UQCC2: variants seen among roughly 807,000 people sequenced by gnomAD.
The protein encoded by UQCC2 is ubiquinol-cytochrome c reductase complex assembly factor 2, also known as breast cancer-associated protein SGA-81M.
UQCC2 carries 21 observed loss-of-function variants against 19.9 expected under a neutral mutation model. The ratio of observed to expected loss-of-function variants is 1.05; its 90% CI spans 0.75 to 1.52. The LOEUF is 1.52. Among genes scored for constraint, UQCC2 ranks in the 40% most tolerant of loss-of-function variants. The pLI is 0.00. For missense variants in UQCC2, 135 were observed against 157.5 expected, an observed-to-expected ratio of 0.86 and a Z score of 0.76; for synonymous variants, 57 against 60.9, an observed-to-expected ratio of 0.94 and a Z score of 0.30.
At chr6:33,704,065 G>C (rs1765670865) in intron 1 of UQCC2, among the ~76,000 whole-genome samples, 1 of 152,206 alleles carries the variant, frequency 6.6e-6, no homozygotes, top group South Asian at 2.1e-4. Flanking sequence ...CCCCGGTGGT[G>C]TGAGGATAAA....
intron 1 of UQCC2, among the ~76,000 whole-genome samples, chr6:33,707,759 T>C (rs1765716867): frequency 6.6e-6 from 1 of 152,230 alleles, no homozygotes; most frequent in African/African-American, 2.4e-5. Context: ...AACAATTACA[T>C]TTGTTGTGCC....
intron 3 of UQCC2, chr6:33,697,973 T>C: frequency 1.8e-6 from 1 of 556,556 alleles, no homozygotes; most frequent in Non-Finnish European, 3.2e-6. Flanking sequence ...CCCAGCACGC[T>C]GTCAGTGGTC....
intron 1 of UQCC2, among the ~76,000 whole-genome samples, chr6:33,701,761 C>T (rs1223801566): frequency 6.6e-6 from 1 of 151,868 alleles, no homozygotes; most frequent in African/African-American, 2.4e-5. Context: ...GAAAGGCGTG[C>T]CTAACAAAGG....
intron 1 of UQCC2, among the ~76,000 whole-genome samples, chr6:33,702,043 A>G (rs1000432649): frequency 1.3e-5 from 2 of 152,014 alleles, no homozygotes; most frequent in Admixed American, 6.6e-5. Context: ...CTCTCACTCT[A>G]TTGCCCAGGC....
chr6:33,703,529 G>A (rs1281890229), intron 1 of UQCC2, among the ~76,000 whole-genome samples: 5 of 152,012 alleles, frequency 3.3e-5, no homozygotes, highest in Non-Finnish European at 7.4e-5. Context: ...CTCCAAGGCT[G>A]TAGGGAGCAG....
chr6:33,707,438 T>C (rs1265294117), intron 1 of UQCC2, among the ~76,000 whole-genome samples: 4 of 152,150 alleles, frequency 2.6e-5, no homozygotes, highest in African/African-American at 9.7e-5. Flanking sequence ...AGGCCTCAAA[T>C]GGATGACTGA....
chr6:33,709,778 AC>A (rs769771199), intron 1 of UQCC2, among the ~76,000 whole-genome samples: 18 of 151,698 alleles, frequency 1.2e-4, no homozygotes, highest in Admixed American at 2.0e-4. Context: ...AAAAAAAAAA[AC>A]CCATGTTCCT....
Position 33,697,011 on chromosome 6 carries a change from G to T in UQCC2, c.*642C>A, listed in dbSNP as rs1765568922. On this transcript the variant is annotated 3_prime_UTR_variant, in exon 4 of 4. Transcript: ENST00000607484. ...GGCCTCTGACTTGTGGCCACCTACA[G>T]AACCTGCCCACAGTGCTGAAGCCAA... 1 of 152,360 alleles carries T rather than the reference G, an allele frequency of 6.6e-6. No homozygotes were observed. The highest frequency in any genetic ancestry group is 2.1e-4 in the South Asian group (1 of 4,838). 9.4% of individuals were successfully genotyped at this position (152,360 alleles called of 1,614,324 possible).
In UQCC2 at chr6:33,711,452, C is replaced by T. The variant is rs545781795; in HGVS notation, c.138+97G>A. 4.1e-6 allele frequency: 6 copies of T among 1,458,900 alleles called. No homozygotes were observed. In the East Asian group the frequency reaches 1.0e-4, roughly 24 times the overall value. The allele number at this position is 1,458,900 out of a possible 1,614,324, so 90.4% of individuals were successfully genotyped here. A position where few individuals can be genotyped will look rare whatever the true frequency, so the allele number is the denominator to read the frequency against. On this transcript the variant is annotated intron_variant, in intron 1 of 3. Coordinates refer to ENST00000607484, the MANE Select transcript of UQCC2 (RefSeq NM_032340.4). Reference sequence around the variant, plus strand: ...GCTCACGTGCTGCCTGGAAAGAGGGCGCGCGCATGCGCAGATCCCCCTGCT... The same window carrying T: ...GCTCACGTGCTGCCTGGAAAGAGGGTGCGCGCATGCGCAGATCCCCCTGCT...
At chr6:33,697,782 A>C in intron 3 of UQCC2, 32 bp from the exon 4 acceptor site, 1 of 1,578,476 alleles carries the variant, frequency 6.3e-7, no homozygotes, top group Non-Finnish European at 8.7e-7. Context: ...AGAGAGAGGG[A>C]CTGAAGTCTA....
rs776243904 is a variant in UQCC2 at position 33,701,307 on chromosome 6, T to C, written c.213+39A>G. On this transcript the variant is annotated intron_variant, in intron 2 of 3. Transcript: ENST00000607484. ...TCACTCATTCTTATTAGTTGTCCCGTCAGAAAGCTGGGTATATAAAAGACT... is the reference window on the plus strand; with the variant it reads ...TCACTCATTCTTATTAGTTGTCCCGCCAGAAAGCTGGGTATATAAAAGACT... The C allele has an allele frequency of 4.4e-6, 7 of 1,578,898 alleles. No individual in the cohort carries two copies. The East Asian group carries it at 1.6e-4, about 36-fold the overall frequency.
chr6:33,702,214 G>A (rs1410343901), intron 1 of UQCC2, among the ~76,000 whole-genome samples: 5 of 151,982 alleles, frequency 3.3e-5, no homozygotes. Context: ...CACCATGCTG[G>A]CCAGGCTGGT....
chr6:33,711,510 C>A, intron 1 of UQCC2, 39 bp downstream of exon 1: 1 of 1,568,110 alleles, frequency 6.4e-7, no homozygotes, highest in East Asian at 2.3e-5. Context: ...CTGCCTCGTC[C>A]TTTCCTCCCC....
chr6:33,708,039 G>A (rs1466690871), intron 1 of UQCC2, among the ~76,000 whole-genome samples: 1 of 152,226 alleles, frequency 6.6e-6, no homozygotes, highest in East Asian at 1.9e-4. Flanking sequence ...CTCTGGTTTT[G>A]TGTATGAATT....
rs368343603 is a variant in UQCC2 at position 33,706,942 on chromosome 6, T to C, written c.138+4607A>G. ...CATGTTAGGGTGGTGCGAGGCAAGG[T>C]TGGAAACACAGGCTGGGACCAAGGA... On this transcript the variant is annotated intron_variant, in intron 1 of 3. Transcript: ENST00000607484. Among the ~76,000 whole-genome samples the C allele has an allele frequency of 1.8e-4, 27 of 152,214 alleles. No homozygotes were observed. In the East Asian group the frequency reaches 1.9e-3, roughly 11 times the overall value.
intron 1 of UQCC2, among the ~76,000 whole-genome samples, chr6:33,704,492 C>T (rs1211791614): frequency 3.3e-5 from 5 of 152,338 alleles, no homozygotes; most frequent in East Asian, 1.9e-4. Context: ...GCTGAGGCTT[C>T]ACTCCTGACT....
chr6:33,710,408 T>C (rs1469028396), intron 1 of UQCC2, among the ~76,000 whole-genome samples: 3 of 152,210 alleles, frequency 2.0e-5, no homozygotes, highest in Admixed American at 6.5e-5. Flanking sequence ...TATCCTACTG[T>C]GCCTGGCTCC....
intron 1 of UQCC2, among the ~76,000 whole-genome samples, chr6:33,708,809 G>C (rs1406675024): frequency 6.6e-6 from 1 of 152,188 alleles, no homozygotes; most frequent in Non-Finnish European, 1.5e-5. Flanking sequence ...ATTCCAGCAA[G>C]GAATTGCGCC....
At chr6:33,711,438 G>T in intron 1 of UQCC2, 111 bp downstream of exon 1, 1 of 1,431,690 alleles carries the variant, frequency 7.0e-7, no homozygotes, top group Non-Finnish European at 9.2e-7. Context: ...CTCACGTGCT[G>T]CCTGGAAAGA....
Sources: gnomAD v4.1 joint callset for allele counts (sites outside exome capture counted in the v4.1 genomes callset) on GRCh38, gnomAD v4.1.1 for gene constraint, MANE v1.5 for transcripts, NCBI Gene and HGNC (gene_info 2026-07-23, HGNC 2026-07-21) for gene names.